The following ALG9 variants were observed in gnomAD, a reference collection of about 807,000 sequenced individuals.
ALG9 encodes the protein alpha-1,2-mannosyltransferase ALG9.
A neutral mutation model predicts 81.8 loss-of-function variants in ALG9; 55 were observed. That is an observed-to-expected ratio of 0.67 (90% CI 0.54 to 0.84). The LOEUF (loss-of-function observed/expected upper bound fraction) is 0.84, where lower values mean the gene tolerates loss of function less well. Ranked by LOEUF, ALG9 falls within the 40% of genes least tolerant of loss-of-function variation. The pLI is 0.00. For missense variants in ALG9, 629 were observed against 745.0 expected (o/e 0.84, Z 1.81); for synonymous variants, 278 against 274.3 (o/e 1.01, Z -0.13).
chr11:111,861,798 T>C (rs889853302), intron 4 of ALG9, among the ~76,000 whole-genome samples: 1 of 152,092 alleles, frequency 6.6e-6, no homozygotes, highest in Admixed American at 6.6e-5. Context: ...CTTTTTTTTT[T>C]AAACTGAAAA....
At chr11:111,773,720 T>C in the ALG9 span, among the ~76,000 whole-genome samples, 1 of 150,756 alleles carries the variant, frequency 6.6e-6, no homozygotes, top group Non-Finnish European at 1.5e-5. Context: ...AAAGCATAGC[T>C]CCTAAATGGC....
At chr11:111,813,005 A>G (rs1319918073) in intron 13 of ALG9, among the ~76,000 whole-genome samples, 1 of 151,912 alleles carries the variant, frequency 6.6e-6, no homozygotes, top group Non-Finnish European at 1.5e-5. Context: ...AGATGCAGGT[A>G]CATGCAGACC....
At position 111,860,898 on chromosome 11, in the gene ALG9, G is replaced by C. The variant is rs528291585; in HGVS notation, c.477-263C>G. 2.0e-5 allele frequency among the ~76,000 whole-genome samples: 3 copies of C among 152,170 alleles called. No homozygotes were observed. In the South Asian group the frequency reaches 6.2e-4, roughly 31 times the overall value. On this transcript the variant is annotated intron_variant, in intron 4 of 14. Transcript: ENST00000616540. Reference sequence around the variant, plus strand: ...TATCAAGTGGAAAATAGAATGATGTGGTGAAAAATAATAGACCTCAGATAC... The same window carrying C: ...TATCAAGTGGAAAATAGAATGATGTCGTGAAAAATAATAGACCTCAGATAC...
At chr11:111,770,021 T>A in the ALG9 span, among the ~76,000 whole-genome samples, 1 of 152,128 alleles carries the variant, frequency 6.6e-6, no homozygotes, top group Non-Finnish European at 1.5e-5. Flanking sequence ...AACCACCTCT[T>A]GTTCCTGCTT....
At position 111,844,716 on chromosome 11, in the gene ALG9, T is replaced by C. The variant is rs901886468; in HGVS notation, c.903A>G (p.Glu301=). 6.2e-7 allele frequency: 1 copy of C among 1,613,784 alleles called. No homozygotes were observed. Among genetic ancestry groups the C allele is most frequent in the Non-Finnish European group, 8.5e-7 (1 of 1,179,806 alleles). ...CATTAATTAAATAGAAATACCAGGG[T>C]TCTGTACCTGAGGGAGACATAAAGG... ...TPHGPDLYGT[E]PWYFYLINGF... is the part of the protein sequence containing the mutation. The change falls in exon 9 of 15, where the codon GAA becomes GAG. Residue 301 remains glutamate (E), a synonymous_variant. Transcript: ENST00000616540.
chr11:111,806,132 T>A (rs532496916), intron 14 of ALG9, among the ~76,000 whole-genome samples: 2 of 152,238 alleles, frequency 1.3e-5, no homozygotes, highest in Admixed American at 6.5e-5. Context: ...AGTGCTGGGA[T>A]TACAGGTGTG....
the ALG9 span, among the ~76,000 whole-genome samples, chr11:111,776,214 ATATAG>A: frequency 2.0e-5 from 3 of 152,326 alleles, no homozygotes; most frequent in South Asian, 4.1e-4. Context: ...AAATCTTGAC[ATATAG>A]TAAAGTTTAA....
chr11:111,801,345 T>A (rs963505785), intron 14 of ALG9, among the ~76,000 whole-genome samples: 2 of 152,218 alleles, frequency 1.3e-5, no homozygotes, highest in Admixed American at 6.5e-5. Flanking sequence ...GAAACTGCTG[T>A]GGCAAAATTG....
chr11:111,782,574 G>A lies in ALG9; in HGVS notation c.*3823C>T, dbSNP rs1555057642. The stretch of plus-strand genomic sequence containing the variant: ...ACGTGAGCTTTAATATGCTTGTGGA[G>A]GCCAAGATTAAATTGTACCTCTTCT... On this transcript the variant is annotated 3_prime_UTR_variant, in exon 15 of 15. Coordinates refer to ENST00000616540, the MANE Select transcript of ALG9 (RefSeq NM_024740.2). The A allele has an allele frequency of 6.6e-6, 1 of 152,572 alleles. No individual in the cohort carries two copies. The highest frequency in any genetic ancestry group is 2.4e-5 in the African/African-American group (1 of 41,436). The allele number at this position is 152,572 out of a possible 1,614,324, so 9.5% of individuals were successfully genotyped here.
At chr11:111,793,008 G>A (rs1398828105) in intron 14 of ALG9, among the ~76,000 whole-genome samples, 1 of 152,138 alleles carries the variant, frequency 6.6e-6, no homozygotes, top group African/African-American at 2.4e-5. Context: ...TTTTGAGACA[G>A]GATCTCACTC....
chr11:111,848,006 A>G (rs1193207136), intron 8 of ALG9, among the ~76,000 whole-genome samples: 6 of 152,184 alleles, frequency 3.9e-5, no homozygotes, highest in Non-Finnish European at 8.8e-5. Flanking sequence ...GCCAAACTCC[A>G]GGGTTTTGCT....
chr11:111,827,791 A>G (rs1390508811), intron 13 of ALG9, among the ~76,000 whole-genome samples: 2 of 149,790 alleles, frequency 1.3e-5, no homozygotes, highest in African/African-American at 2.5e-5. Flanking sequence ...CCCTTGAACC[A>G]GGGAGGTGGA....
At chr11:111,841,949 T>G (rs1555124360) in intron 9 of ALG9, among the ~76,000 whole-genome samples, 1 of 152,142 alleles carries the variant, frequency 6.6e-6, no homozygotes, top group Admixed American at 6.5e-5. Flanking sequence ...CAAGCTGAAG[T>G]GCAGTGGCAC....
chr11:111,777,685 A>G (rs1176075857), downstream of ALG9, among the ~76,000 whole-genome samples: 1 of 152,234 alleles, frequency 6.6e-6, no homozygotes, highest in Non-Finnish European at 1.5e-5. Context: ...GGTGAGTTTT[A>G]AAGAATCCAT....
In ALG9 at chr11:111,820,648, T is replaced by C. The variant is rs782161629; in HGVS notation, c.1603-10875A>G. 5.9e-5 allele frequency among the ~76,000 whole-genome samples: 9 copies of C among 152,248 alleles called. 1 individual carries two copies. The highest frequency in any genetic ancestry group is 1.0e-4 in the Non-Finnish European group (7 of 68,052). On this transcript the variant is annotated intron_variant, in intron 13 of 14. Transcript: ENST00000616540. ...CATTAACTCAAATTCCCAATTGGTA[T>C]TTCTTGCCTTTCTCAATTCACAGAC... is the stretch of plus-strand genomic sequence containing the variant.
chr11:111,775,787 C>T, the ALG9 span, among the ~76,000 whole-genome samples: 5 of 152,144 alleles, frequency 3.3e-5, no homozygotes, highest in Admixed American at 6.6e-5. Flanking sequence ...CTACTGACTC[C>T]GTCTAGGTTC....
intron 4 of ALG9, among the ~76,000 whole-genome samples, chr11:111,862,578 T>C (rs1960692077): frequency 1.3e-5 from 2 of 151,846 alleles, no homozygotes; most frequent in Non-Finnish European, 2.9e-5. Flanking sequence ...CCTTTTTTTT[T>C]TGGTCTGTCT....
At chr11:111,821,309 T>C (rs1274758510) in intron 13 of ALG9, among the ~76,000 whole-genome samples, 2 of 152,086 alleles carry the variant, frequency 1.3e-5, no homozygotes, top group East Asian at 3.9e-4. Context: ...TTGACAGGTG[T>C]ACTGCCCCAG....
intron 14 of ALG9, among the ~76,000 whole-genome samples, chr11:111,800,491 A>G (rs1948946022): frequency 6.6e-6 from 1 of 151,840 alleles, no homozygotes; most frequent in African/African-American, 2.4e-5. Flanking sequence ...AAAAAATAAA[A>G]AATAAAATAA....
Sources: allele counts gnomAD v4.1 joint callset (sites outside exome capture counted in the v4.1 genomes callset), GRCh38; gene constraint gnomAD v4.1.1; transcripts MANE v1.5; gene names NCBI Gene and HGNC (gene_info 2026-07-23, HGNC 2026-07-21).